ROCK1: variants seen among roughly 807,000 people sequenced by gnomAD.
ROCK1 encodes Rho associated coiled-coil containing protein kinase 1.
Under a neutral mutation model 196.8 loss-of-function variants are expected in ROCK1, and 36 were observed. That is an observed-to-expected ratio of 0.18 (90% confidence interval 0.14 to 0.24). ROCK1 has a LOEUF of 0.24. Among genes scored for constraint, ROCK1 ranks in the 10% least tolerant of loss-of-function variants. ROCK1 has a pLI of 1.00. For missense variants in ROCK1, 920 were observed against 1,562.0 expected, an observed-to-expected ratio of 0.59 and a Z score of 6.93; for synonymous variants, 443 against 515.9, an observed-to-expected ratio of 0.86 and a Z score of 1.91.
chr18:21,084,344 A>C (rs2036507892), intron 1 of ROCK1, among the ~76,000 whole-genome samples: 2 of 152,080 alleles, frequency 1.3e-5, no homozygotes, highest in African/African-American at 4.8e-5. Flanking sequence ...AATCCACAGA[A>C]TGGGAGAAAA....
At chr18:21,029,837 T>C (rs1175045701) in intron 9 of ROCK1, among the ~76,000 whole-genome samples, 1 of 152,154 alleles carries the variant, frequency 6.6e-6, no homozygotes, top group African/African-American at 2.4e-5. Context: ...ATTTATTTTT[T>C]AGCTTAAAGA....
At chr18:21,021,591 A>G (rs551304368) in intron 11 of ROCK1, among the ~76,000 whole-genome samples, 1 of 152,346 alleles carries the variant, frequency 6.6e-6, no homozygotes, top group East Asian at 1.9e-4. Flanking sequence ...GTATTTGGCA[A>G]TTGCAAAGTT....
intron 1 of ROCK1, among the ~76,000 whole-genome samples, chr18:21,095,050 CAAA>C (rs777577556): frequency 3.7e-5 from 2 of 53,766 alleles, no homozygotes; most frequent in Non-Finnish European, 4.2e-5. Flanking sequence ...AACTCTGTCT[CAAA>C]AAAAAAAAAA....
At chr18:21,097,034 G>T (rs547491604) in intron 1 of ROCK1, among the ~76,000 whole-genome samples, 5 of 152,228 alleles carry the variant, frequency 3.3e-5, no homozygotes, top group South Asian at 2.1e-4. Context: ...GAACTCAAGG[G>T]GAGAGAAAGG....
intron 2 of ROCK1, among the ~76,000 whole-genome samples, chr18:21,065,574 T>C (rs1013770806): frequency 3.9e-5 from 6 of 152,208 alleles, no homozygotes; most frequent in African/African-American, 7.2e-5. Flanking sequence ...ACAATCATAA[T>C]CACTGTTCCC....
At chr18:21,103,052 A>G (rs2036673046) in intron 1 of ROCK1, among the ~76,000 whole-genome samples, 1 of 152,160 alleles carries the variant, frequency 6.6e-6, no homozygotes, top group Non-Finnish European at 1.5e-5. Context: ...TTGAACATCT[A>G]CCTTCCTATT....
chr18:21,038,021 G>A (rs2036072072), intron 9 of ROCK1, among the ~76,000 whole-genome samples: 1 of 152,006 alleles, frequency 6.6e-6, no homozygotes, highest in Non-Finnish European at 1.5e-5. Context: ...CTTTGAAAAA[G>A]AATTTAAAGC....
At chr18:21,096,777 G>A (rs945670409) in intron 1 of ROCK1, among the ~76,000 whole-genome samples, 1 of 152,120 alleles carries the variant, frequency 6.6e-6, no homozygotes, top group African/African-American at 2.4e-5. Flanking sequence ...ATGGGGAAAG[G>A]GGAGATAATC....
chr18:20,961,133 T>C (rs1316495025), intron 27 of ROCK1, among the ~76,000 whole-genome samples: 4 of 152,186 alleles, frequency 2.6e-5, no homozygotes, highest in Non-Finnish European at 4.4e-5. Flanking sequence ...TAGATCAGGT[T>C]GGAAATAAGA....
chr18:21,029,722 G>T (rs2035990231), intron 9 of ROCK1, among the ~76,000 whole-genome samples: 1 of 152,100 alleles, frequency 6.6e-6, no homozygotes, highest in African/African-American at 2.4e-5. Context: ...TAATATAGGA[G>T]AAAATTCCAT....
At chr18:20,980,065 T>G in intron 21 of ROCK1, 61 bp from the exon 22 acceptor site, 1 of 1,430,058 alleles carries the variant, frequency 7.0e-7, no homozygotes, top group Admixed American at 3.3e-5. Context: ...AATTTGGCAG[T>G]TTCTTATAAA....
chr18:20,962,866 A>T (rs1312020700), intron 27 of ROCK1, among the ~76,000 whole-genome samples: 1 of 152,196 alleles, frequency 6.6e-6, no homozygotes, highest in Non-Finnish European at 1.5e-5. Flanking sequence ...CAATAATAAC[A>T]GATAAAAAAA....
intron 18 of ROCK1, among the ~76,000 whole-genome samples, chr18:20,988,473 T>G (rs557798897): frequency 6.6e-6 from 1 of 152,310 alleles, no homozygotes; most frequent in African/African-American, 2.4e-5. Flanking sequence ...TCTCCCTTTT[T>G]ATCACTGTTC....
intron 1 of ROCK1, among the ~76,000 whole-genome samples, chr18:21,079,495 G>A (rs990597054): frequency 2.6e-5 from 4 of 152,170 alleles, no homozygotes; most frequent in African/African-American, 9.7e-5. Flanking sequence ...TTAACGTCCT[G>A]CAATGAGAAG....
chr18:20,982,869 C>G, intron 20 of ROCK1, 37 bp from the exon 21 acceptor site: 1 of 903,214 alleles, frequency 1.1e-6, no homozygotes, highest in East Asian at 2.5e-5. Flanking sequence ...ACAAACGCTC[C>G]TACTTATACT....
At chr18:21,099,384 AG>A in intron 1 of ROCK1, among the ~76,000 whole-genome samples, 1 of 152,234 alleles carries the variant, frequency 6.6e-6, no homozygotes, top group East Asian at 1.9e-4. Flanking sequence ...GGAAAAGAAC[AG>A]GGTAGAGAGA....
chr18:21,017,183 CTTCT>C (rs2035870075), intron 12 of ROCK1, among the ~76,000 whole-genome samples: 1 of 136,978 alleles, frequency 7.3e-6, no homozygotes, highest in Non-Finnish European at 1.5e-5. Context: ...ACATACCACA[CTTCT>C]TTTTTTTTTT....
intron 1 of ROCK1, among the ~76,000 whole-genome samples, chr18:21,109,208 A>T (rs1598566517): frequency 6.6e-6 from 1 of 152,222 alleles, no homozygotes; most frequent in Non-Finnish European, 1.5e-5. Context: ...TATATGTGAG[A>T]CAAGGTTTTG....
intron 1 of ROCK1, among the ~76,000 whole-genome samples, chr18:21,090,432 A>G (rs1389636547): frequency 6.6e-6 from 1 of 152,214 alleles, no homozygotes; most frequent in Non-Finnish European, 1.5e-5. Flanking sequence ...CACTGCATAC[A>G]GAAGCCAAAT....
Sources: allele counts gnomAD v4.1 joint callset (sites outside exome capture counted in the v4.1 genomes callset), GRCh38; gene constraint gnomAD v4.1.1; transcripts MANE v1.5; gene names NCBI Gene and HGNC (gene_info 2026-07-23, HGNC 2026-07-21).